Variants in IL19 observed in about 807,000 individuals in gnomAD.
The protein encoded by IL19 is interleukin 19.
Under a neutral mutation model 19.5 loss-of-function variants are expected in IL19, and 15 were observed. That is an observed-to-expected ratio of 0.77 (90% confidence interval 0.52 to 1.19). IL19 has a LOEUF of 1.19. IL19 is among the 50% of genes most tolerant of loss of function. The probability of loss-of-function intolerance (pLI) is 0.00; values close to 1 mark genes in which losing one functional copy is unlikely to be tolerated. For synonymous variants in IL19, 78 were observed against 78.3 expected, an observed-to-expected ratio of 1.00 and a Z score of 0.02; for missense variants, 199 against 213.1, an observed-to-expected ratio of 0.93 and a Z score of 0.41.
chr1:206,796,281 C>T (rs141108855), intron 1 of IL19, among the ~76,000 whole-genome samples: 32 of 152,298 alleles, frequency 2.1e-4, no homozygotes, highest in Non-Finnish European at 2.2e-4. Context: ...CTGCTTCACT[C>T]GGTCCACAAC....
intron 2 of IL19, among the ~76,000 whole-genome samples, chr1:206,801,990 C>T (rs1371575311): frequency 2.0e-5 from 3 of 152,128 alleles, no homozygotes; most frequent in Admixed American, 2.0e-4. Context: ...TGAACGAAGG[C>T]ACCTCCATAG....
chr1:206,804,623 G>A (rs1320908697), intron 2 of IL19, among the ~76,000 whole-genome samples: 4 of 152,152 alleles, frequency 2.6e-5, no homozygotes, highest in Non-Finnish European at 4.4e-5. Context: ...ATGAGATTTG[G>A]GGTTTAAAAG....
intron 2 of IL19, among the ~76,000 whole-genome samples, chr1:206,800,763 T>C (rs370525119): frequency 6.6e-6 from 1 of 152,128 alleles, no homozygotes; most frequent in East Asian, 1.9e-4. Flanking sequence ...ACAAAAAATA[T>C]GGGGAAAAGA....
intron 4 of IL19, among the ~76,000 whole-genome samples, chr1:206,838,702 A>G (rs1676884057): frequency 6.6e-6 from 1 of 151,960 alleles, no homozygotes; most frequent in Non-Finnish European, 1.5e-5. Context: ...GAATAAGAAA[A>G]GGAGTCAATA....
At position 206,770,800 on chromosome 1, in the gene IL19, G is replaced by T; in HGVS notation, c.-427G>T. The T allele has an allele frequency of 2.8e-6, 3 of 1,089,842 alleles. No homozygotes were observed. The highest frequency in any genetic ancestry group is 4.3e-6 in the Non-Finnish European group (3 of 701,594). 67.5% of individuals were successfully genotyped at this position (1,089,842 alleles called of 1,614,324 possible). A position where few individuals can be genotyped will look rare whatever the true frequency, so the allele number is the denominator to read the frequency against. On this transcript the variant is annotated 5_prime_UTR_variant, in exon 1 of 7. Transcript: ENST00000659997. ...TCTTTCCTCATTTACAGCTAGCTCTGCCAGTCTGTGTCTTTGCTGTGTCTG... is the reference window on the plus strand; with the variant it reads ...TCTTTCCTCATTTACAGCTAGCTCTTCCAGTCTGTGTCTTTGCTGTGTCTG...
At chr1:206,812,856 T>G (rs1222587545) in intron 2 of IL19, among the ~76,000 whole-genome samples, 1 of 152,258 alleles carries the variant, frequency 6.6e-6, no homozygotes, top group Non-Finnish European at 1.5e-5. Flanking sequence ...TATCATTTTA[T>G]ACAGGTTTTG....
chr1:206,772,372 G>A, intron 1 of IL19: 1 of 1,614,134 alleles, frequency 6.2e-7, no homozygotes, highest in Non-Finnish European at 8.5e-7. Context: ...TGGGTGCCCT[G>A]GCCTGGGCTG....
At chr1:206,794,595 G>A (rs1446703351) in intron 1 of IL19, among the ~76,000 whole-genome samples, 1 of 152,152 alleles carries the variant, frequency 6.6e-6, no homozygotes, top group Non-Finnish European at 1.5e-5. Flanking sequence ...GTAGATTTTA[G>A]CTTCTCAAGT....
At chr1:206,798,625 G>A (rs150749487) in intron 1 of IL19, among the ~76,000 whole-genome samples, 1 of 150,444 alleles carries the variant, frequency 6.6e-6, no homozygotes, top group African/African-American at 2.4e-5. Flanking sequence ...CCTCTTCCCC[G>A]ACCCGATTTA....
chr1:206,770,816 G>A lies in IL19; in HGVS notation c.-411G>A, dbSNP rs1242617323. On this transcript the variant is annotated 5_prime_UTR_variant, in exon 1 of 7. Coordinates refer to ENST00000659997, the MANE Select transcript of IL19 (RefSeq NM_153758.5). ...GCTAGCTCTGCCAGTCTGTGTCTTT[G>A]CTGTGTCTGTGGATGTGAGTGTCCC... 2 of 1,228,152 alleles carry A rather than the reference G, an allele frequency of 1.6e-6. No homozygotes were observed. The highest frequency in any genetic ancestry group is 2.4e-6 in the Non-Finnish European group (2 of 826,760). 76.1% of individuals were successfully genotyped at this position (1,228,152 alleles called of 1,614,324 possible).
At chr1:206,831,067 T>C (rs1181203180) in intron 2 of IL19, among the ~76,000 whole-genome samples, 1 of 152,198 alleles carries the variant, frequency 6.6e-6, no homozygotes, top group Non-Finnish European at 1.5e-5. Context: ...GCAATAGGCA[T>C]GGTACCCTCT....
chr1:206,801,346 C>T (rs1228097655), intron 2 of IL19, among the ~76,000 whole-genome samples: 1 of 152,174 alleles, frequency 6.6e-6, no homozygotes, highest in Non-Finnish European at 1.5e-5. Flanking sequence ...TCTCCACTGT[C>T]CTCATGTGCC....
At chr1:206,811,375 T>C (rs1572560739) in intron 2 of IL19, among the ~76,000 whole-genome samples, 1 of 140,790 alleles carries the variant, frequency 7.1e-6, no homozygotes, top group African/African-American at 2.7e-5. Context: ...ACCCAGGAGG[T>C]GGAGCTTGTA....
chr1:206,789,543 T>A (rs1291839911), intron 1 of IL19, among the ~76,000 whole-genome samples: 2 of 152,182 alleles, frequency 1.3e-5, no homozygotes, highest in African/African-American at 2.4e-5. Flanking sequence ...TGAGTGGTAC[T>A]CCATGGTGTA....
intron 1 of IL19, among the ~76,000 whole-genome samples, chr1:206,789,661 G>A (rs1285481212): frequency 3.3e-5 from 5 of 152,090 alleles, no homozygotes; most frequent in African/African-American, 1.2e-4. Flanking sequence ...ATGGGGGTTT[G>A]TTGTCTTACT....
At chr1:206,810,056 G>A (rs1478309581) in intron 2 of IL19, among the ~76,000 whole-genome samples, 4 of 152,184 alleles carry the variant, frequency 2.6e-5, no homozygotes, top group Non-Finnish European at 5.9e-5. Context: ...CCCTTCTTTG[G>A]GGGTTGGAGG....
At chr1:206,781,080 T>C (rs1675116761) in intron 1 of IL19, among the ~76,000 whole-genome samples, 1 of 152,092 alleles carries the variant, frequency 6.6e-6, no homozygotes, top group South Asian at 2.1e-4. Flanking sequence ...CACAGTGTTA[T>C]AAAGCATAGT....
At chr1:206,827,852 T>C (rs1385895190) in intron 2 of IL19, among the ~76,000 whole-genome samples, 1 of 152,248 alleles carries the variant, frequency 6.6e-6, no homozygotes, top group Non-Finnish European at 1.5e-5. Flanking sequence ...CACGCAGCTG[T>C]ACCACACCCC....
At chr1:206,827,418 C>T (rs964422315) in intron 2 of IL19, among the ~76,000 whole-genome samples, 1 of 152,246 alleles carries the variant, frequency 6.6e-6, no homozygotes, top group East Asian at 1.9e-4. Flanking sequence ...CGGCCGGGCA[C>T]GGTGGCTCAC....
Sources: allele counts gnomAD v4.1 joint callset (sites outside exome capture counted in the v4.1 genomes callset), GRCh38; gene constraint gnomAD v4.1.1; transcripts MANE v1.5; gene names NCBI Gene and HGNC (gene_info 2026-07-23, HGNC 2026-07-21).